SQOR: variants seen among roughly 807,000 people sequenced by gnomAD.
SQOR encodes the protein sulfide quinone oxidoreductase, also known as sulfide:quinone oxidoreductase, mitochondrial.
A neutral mutation model predicts 48.6 loss-of-function variants in SQOR; 39 were observed. The observed-to-expected ratio is 0.80, with a 90% confidence interval of 0.62 to 1.05. SQOR has a LOEUF of 1.05. Among genes scored for constraint, SQOR ranks in the 50% least tolerant of loss-of-function variants. The probability of loss-of-function intolerance (pLI) is 0.00; values close to 1 mark genes in which losing one functional copy is unlikely to be tolerated. For missense variants in SQOR, 561 were observed against 559.9 expected, an observed-to-expected ratio of 1.00 and a Z score of -0.02; for synonymous variants, 220 against 206.2, an observed-to-expected ratio of 1.07 and a Z score of -0.57.
At chr15:45,644,686 G>A (rs537689519) in intron 1 of SQOR, among the ~76,000 whole-genome samples, 1 of 152,264 alleles carries the variant, frequency 6.6e-6, no homozygotes, top group South Asian at 2.1e-4. Flanking sequence ...AAAGTGAGGG[G>A]AAAGAACAGG....
chr15:45,638,734 G>T (rs1467259572), intron 1 of SQOR, among the ~76,000 whole-genome samples: 1 of 142,870 alleles, frequency 7.0e-6, no homozygotes, highest in Non-Finnish European at 1.5e-5. Flanking sequence ...CTCAAAAAAA[G>T]AAAGAAAGAA....
upstream of SQOR, chr15:45,631,824 C>T (rs1465079682): frequency 1.3e-5 from 2 of 152,208 alleles, no homozygotes; most frequent in African/African-American, 4.8e-5. Flanking sequence ...TTCTTCTTCC[C>T]ATCCTTTAAT....
At chr15:45,637,285 TTTC>T (rs1895022060) in intron 1 of SQOR, among the ~76,000 whole-genome samples, 1 of 152,204 alleles carries the variant, frequency 6.6e-6, no homozygotes, top group African/African-American at 2.4e-5. Flanking sequence ...GGCTTTTGAA[TTTC>T]TTTTCGCCTC....
intron 6 of SQOR, among the ~76,000 whole-genome samples, chr15:45,679,553 T>C (rs927954326): frequency 5.9e-5 from 9 of 152,002 alleles, no homozygotes; most frequent in Non-Finnish European, 5.9e-5. Flanking sequence ...ATACAAAAAT[T>C]AGCCGGGCAT....
At chr15:45,689,418 T>A (rs935731388) in intron 9 of SQOR, 26 of 122,258 alleles carry the variant, frequency 2.1e-4, no homozygotes, top group African/African-American at 6.6e-4. Context: ...GCTACCTTAC[T>A]TTTTTTTTTT....
rs116460295 is a variant in SQOR, at chr15:45,650,571, G to C, written c.-17-8336G>C. Among the ~76,000 whole-genome samples, 470 of 152,320 alleles carry C rather than the reference G, an allele frequency of 3.1e-3. 2 individuals carry two copies. The highest frequency in any genetic ancestry group is 0.011 in the African/African-American group (446 of 41,566). Reference sequence around the variant, plus strand: ...CCACAACACGAAAGAGGACCAGAAAGGACTGCCACCGCTCGCTCGGGCAGC... The same window carrying C: ...CCACAACACGAAAGAGGACCAGAAACGACTGCCACCGCTCGCTCGGGCAGC... On this transcript the variant is annotated intron_variant, in intron 1 of 9. Coordinates refer to ENST00000260324, the MANE Select transcript of SQOR (RefSeq NM_021199.4).
At chr15:45,649,888 T>C (rs1170733059) in intron 1 of SQOR, among the ~76,000 whole-genome samples, 1 of 152,084 alleles carries the variant, frequency 6.6e-6, no homozygotes, top group East Asian at 1.9e-4. Context: ...ACAGTCTTCC[T>C]GTCACCCAGG....
chr15:45,664,014 A>C (rs754179307), intron 3 of SQOR, among the ~76,000 whole-genome samples: 43 of 152,312 alleles, frequency 2.8e-4, no homozygotes, highest in Non-Finnish European at 5.3e-4. Context: ...TAAGTAAATT[A>C]TATAGTATGT....
intron 1 of SQOR, among the ~76,000 whole-genome samples, chr15:45,655,026 T>C (rs1219773326): frequency 6.6e-6 from 1 of 152,238 alleles, no homozygotes; most frequent in Non-Finnish European, 1.5e-5. Flanking sequence ...TGAACATGAT[T>C]GCCAGCATCT....
At chr15:45,680,872 C>T (rs1890114990) in intron 6 of SQOR, among the ~76,000 whole-genome samples, 1 of 151,588 alleles carries the variant, frequency 6.6e-6, no homozygotes, top group Non-Finnish European at 1.5e-5. Flanking sequence ...AACACATTAA[C>T]TCCACCGAGA....
At chr15:45,641,697 C>T (rs1376550657) in intron 1 of SQOR, among the ~76,000 whole-genome samples, 4 of 152,186 alleles carry the variant, frequency 2.6e-5, no homozygotes, top group African/African-American at 9.7e-5. Flanking sequence ...AGCTGCTATC[C>T]TTTCTCGGAA....
chr15:45,654,231 A>G (rs1437570683), intron 1 of SQOR, among the ~76,000 whole-genome samples: 1 of 151,752 alleles, frequency 6.6e-6, no homozygotes, highest in African/African-American at 2.4e-5. Context: ...GCAGGGTTGG[A>G]TTATGGTTCT....
At chr15:45,655,210 C>T (rs1171302495) in intron 1 of SQOR, among the ~76,000 whole-genome samples, 1 of 152,206 alleles carries the variant, frequency 6.6e-6, no homozygotes, top group Non-Finnish European at 1.5e-5. Flanking sequence ...GACAGGGTGG[C>T]TGGAAACCAG....
intron 2 of SQOR, among the ~76,000 whole-genome samples, chr15:45,660,338 A>G (rs536572833): frequency 6.6e-6 from 1 of 152,300 alleles, no homozygotes; most frequent in South Asian, 2.1e-4. Flanking sequence ...AGTCTCTATC[A>G]TTTTCCTTTT....
At chr15:45,643,735 T>G (rs751016999) in intron 1 of SQOR, among the ~76,000 whole-genome samples, 1 of 152,216 alleles carries the variant, frequency 6.6e-6, no homozygotes, top group Non-Finnish European at 1.5e-5. Flanking sequence ...AAACCTGAAT[T>G]TGCACATAGA....
In SQOR at chr15:45,642,689, C is replaced by T. The variant is rs629986; in HGVS notation, c.-18+7581C>T. 9.7e-3 allele frequency among the ~76,000 whole-genome samples: 1,472 copies of T among 152,278 alleles called. 24 individuals are homozygous for T. The highest frequency in any genetic ancestry group is 0.033 in the African/African-American group (1,389 of 41,558). The stretch of plus-strand genomic sequence containing the variant: ...TGATTCTCCTTTCAAAATCTTGAAC[C>T]CAACTGTCCAAAAGTAGCCCGAACA... On this transcript the variant is annotated intron_variant, in intron 1 of 9. Coordinates refer to ENST00000260324, the MANE Select transcript of SQOR (RefSeq NM_021199.4).
intron 1 of SQOR, among the ~76,000 whole-genome samples, chr15:45,649,831 T>C (rs573498119): frequency 2.6e-5 from 4 of 151,248 alleles, no homozygotes; most frequent in African/African-American, 9.7e-5. Context: ...AGGTGGGATA[T>C]GGGCAATGCT....
chr15:45,649,961 G>A (rs1889439947), intron 1 of SQOR, among the ~76,000 whole-genome samples: 1 of 151,964 alleles, frequency 6.6e-6, no homozygotes, highest in Non-Finnish European at 1.5e-5. Context: ...TCCTGCCTCA[G>A]GCTCCCAAGT....
chr15:45,662,896 C>T (rs563001716), intron 3 of SQOR, among the ~76,000 whole-genome samples: 2 of 152,334 alleles, frequency 1.3e-5, no homozygotes, highest in South Asian at 4.1e-4. Flanking sequence ...TGGTCTTAAT[C>T]CTCTGCCCCT....
Sources: gnomAD v4.1 joint callset for allele counts (sites outside exome capture counted in the v4.1 genomes callset) on GRCh38, gnomAD v4.1.1 for gene constraint, MANE v1.5 for transcripts, NCBI Gene and HGNC (gene_info 2026-07-23, HGNC 2026-07-21) for gene names.